Variants in LRP1B observed in about 807,000 individuals in gnomAD.
The protein encoded by LRP1B is low-density lipoprotein receptor-related protein 1B.
LRP1B carries 217 observed loss-of-function variants against 556.6 expected under a neutral mutation model. The ratio of observed to expected loss-of-function variants is 0.39; its 90% CI spans 0.35 to 0.44. The LOEUF (loss-of-function observed/expected upper bound fraction) is 0.44, where lower values mean the gene tolerates loss of function less well. Among genes scored for constraint, LRP1B ranks in the 20% least tolerant of loss-of-function variants. The pLI is 1.00. For synonymous variants in LRP1B, 2,047 were observed against 1,865.8 expected (o/e 1.10, Z -2.50); for missense variants, 5,053 against 5,620.8 (o/e 0.90, Z 3.23).
intron 29 of LRP1B, among the ~76,000 whole-genome samples, chr2:140,846,404 A>C (rs969179997): frequency 6.6e-6 from 1 of 152,086 alleles, no homozygotes; most frequent in Non-Finnish European, 1.5e-5. Context: ...TTTGTCTCAG[A>C]AAATTAGCTG....
At chr2:141,815,513 T>C (rs982172337) in intron 1 of LRP1B, among the ~76,000 whole-genome samples, 1 of 151,878 alleles carries the variant, frequency 6.6e-6, no homozygotes, top group Non-Finnish European at 1.5e-5. Context: ...AGCAAGGGAT[T>C]GTAAAATGCA....
intron 3 of LRP1B, among the ~76,000 whole-genome samples, chr2:141,279,470 A>G (rs1288344115): frequency 6.6e-6 from 1 of 152,074 alleles, no homozygotes; most frequent in Admixed American, 6.6e-5. Flanking sequence ...GAACAATTTA[A>G]TCAGTCCTTA....
chr2:140,404,179 T>C (rs1022059213), intron 66 of LRP1B, among the ~76,000 whole-genome samples: 1 of 138,226 alleles, frequency 7.2e-6, no homozygotes, highest in Non-Finnish European at 1.6e-5. Flanking sequence ...TTTTTTTTTT[T>C]TTTTTTTTTT....
At chr2:141,929,330 T>C (rs536350915) in intron 1 of LRP1B, among the ~76,000 whole-genome samples, 2 of 152,194 alleles carry the variant, frequency 1.3e-5, no homozygotes, top group East Asian at 3.9e-4. Context: ...ATGTCAACAA[T>C]GCACTTCATA....
intron 10 of LRP1B, among the ~76,000 whole-genome samples, chr2:141,052,922 G>A (rs138673836): frequency 1.3e-3 from 202 of 152,140 alleles, no homozygotes; most frequent in African/African-American, 3.7e-3. Flanking sequence ...ACAGGCCTGA[G>A]CCACAACACT....
chr2:141,896,814 T>C (rs1699466237), intron 1 of LRP1B, among the ~76,000 whole-genome samples: 2 of 152,154 alleles, frequency 1.3e-5, no homozygotes, highest in Non-Finnish European at 2.9e-5. Context: ...TGTGTGAAAA[T>C]GCATTCCAAA....
At chr2:141,200,401 G>A (rs1475071241) in intron 6 of LRP1B, among the ~76,000 whole-genome samples, 3 of 152,068 alleles carry the variant, frequency 2.0e-5, no homozygotes, top group Non-Finnish European at 4.4e-5. Flanking sequence ...GGGTGTGGGG[G>A]AGAGCAACAG....
At chr2:141,922,508 C>G (rs1700217515) in intron 1 of LRP1B, among the ~76,000 whole-genome samples, 1 of 152,176 alleles carries the variant, frequency 6.6e-6, no homozygotes, top group African/African-American at 2.4e-5. Context: ...AGATTACATA[C>G]AGCTCATTGT....
At chr2:140,549,708 T>C (rs183071244) in intron 43 of LRP1B, among the ~76,000 whole-genome samples, 147 of 152,306 alleles carry the variant, frequency 9.7e-4, no homozygotes, top group Non-Finnish European at 1.7e-3. Context: ...CTTTGCTACT[T>C]ACTCTCAAAG....
At chr2:141,084,123 T>C (rs1699989980) in intron 7 of LRP1B, among the ~76,000 whole-genome samples, 1 of 152,168 alleles carries the variant, frequency 6.6e-6, no homozygotes. Context: ...TACCTGGCAT[T>C]TGAATAAAAA....
intron 41 of LRP1B, among the ~76,000 whole-genome samples, chr2:140,606,733 C>T (rs1446824607): frequency 1.3e-5 from 2 of 151,898 alleles, no homozygotes; most frequent in African/African-American, 2.4e-5. Flanking sequence ...AATTGTATAG[C>T]CACATGTAAA....
intron 7 of LRP1B, among the ~76,000 whole-genome samples, chr2:141,167,700 C>A (rs1574146878): frequency 6.6e-6 from 1 of 151,696 alleles, no homozygotes; most frequent in African/African-American, 2.4e-5. Flanking sequence ...CTATTTATGT[C>A]AGGGATTTTC....
chr2:140,298,255 A>G (rs2105002067), intron 83 of LRP1B, among the ~76,000 whole-genome samples: 1 of 152,290 alleles, frequency 6.6e-6, no homozygotes, highest in East Asian at 1.9e-4. Flanking sequence ...TGCTTAAAGT[A>G]CTTCTTATTT....
At chr2:140,373,262 TTCTC>T (rs1324055980) in intron 68 of LRP1B, 125 bp from the exon 69 acceptor site, 2 of 786,364 alleles carry the variant, frequency 2.5e-6, no homozygotes, top group Non-Finnish European at 4.0e-6. Flanking sequence ...GTTTCACAAC[TTCTC>T]TGTCAAAAAC....
intron 57 of LRP1B, among the ~76,000 whole-genome samples, chr2:140,488,244 CCAA>C (rs149120380): frequency 0.16 from 23,597 of 151,844 alleles, 2,263 homozygotes; most frequent in Non-Finnish European, 0.22. Flanking sequence ...AGCTCTTGTC[CCAA>C]CAACAATATA....
chr2:140,717,428 C>T (rs1433909649), intron 35 of LRP1B, among the ~76,000 whole-genome samples: 1 of 152,062 alleles, frequency 6.6e-6, no homozygotes, highest in African/African-American at 2.4e-5. Flanking sequence ...CATTATTTTT[C>T]AAACTCTCAT....
intron 3 of LRP1B, among the ~76,000 whole-genome samples, chr2:141,465,253 A>G (rs1682137934): frequency 6.6e-6 from 1 of 152,198 alleles, no homozygotes; most frequent in African/African-American, 2.4e-5. Flanking sequence ...ATTTGAAGGC[A>G]TAAAACTGAG....
At chr2:141,313,315 A>G (rs1343348051) in intron 3 of LRP1B, among the ~76,000 whole-genome samples, 1 of 152,134 alleles carries the variant, frequency 6.6e-6, no homozygotes, top group Non-Finnish European at 1.5e-5. Flanking sequence ...GTTCTGCCAC[A>G]TGCATACTCC....
chr2:141,626,397 T>C (rs1381902877), intron 2 of LRP1B, among the ~76,000 whole-genome samples: 2 of 151,944 alleles, frequency 1.3e-5, no homozygotes, highest in Non-Finnish European at 2.9e-5. Flanking sequence ...TGACCTAGGG[T>C]TTGAAGGTAA....
Sources: gnomAD v4.1 joint callset for allele counts (sites outside exome capture counted in the v4.1 genomes callset) on GRCh38, gnomAD v4.1.1 for gene constraint, MANE v1.5 for transcripts, NCBI Gene and HGNC (gene_info 2026-07-23, HGNC 2026-07-21) for gene names.